Variants in LDB2 observed in about 807,000 individuals in gnomAD.
The protein encoded by LDB2 is LIM domain binding 2, also known as LIM domain-binding protein 2.
In LDB2, 12 loss-of-function variants were observed where a neutral mutation model predicts 44.3. The ratio of observed to expected loss-of-function variants is 0.27; its 90% CI spans 0.17 to 0.44. The LOEUF is 0.44. Among genes scored for constraint, LDB2 ranks in the 20% least tolerant of loss-of-function variants. LDB2 has a pLI of 1.00. For missense variants in LDB2, 344 were observed against 473.5 expected, an observed-to-expected ratio of 0.73 and a Z score of 2.54; for synonymous variants, 164 against 174.8, an observed-to-expected ratio of 0.94 and a Z score of 0.49.
intron 2 of LDB2, among the ~76,000 whole-genome samples, chr4:16,645,859 G>T (rs1352758534): frequency 6.6e-6 from 1 of 152,170 alleles, no homozygotes; most frequent in African/African-American, 2.4e-5. Context: ...AATGATAACA[G>T]CATCTACTTC....
chr4:16,777,633 C>T (rs1297698361), intron 1 of LDB2, among the ~76,000 whole-genome samples: 2 of 152,152 alleles, frequency 1.3e-5, no homozygotes, highest in Non-Finnish European at 2.9e-5. Flanking sequence ...CTAGGTCCCT[C>T]CTGTGATGAG....
chr4:16,742,074 C>CTTTTTTTTTTTTTTTTT (rs33990510), intron 2 of LDB2, among the ~76,000 whole-genome samples: 5 of 128,308 alleles, frequency 3.9e-5, no homozygotes, highest in Non-Finnish European at 6.4e-5. Context: ...CTTTTCTTTT[C>CTTTTTTTTTTTTTTTTT]TTTTTTTTTT....
intron 2 of LDB2, among the ~76,000 whole-genome samples, chr4:16,672,561 CTT>C (rs1014417092): frequency 4.6e-5 from 7 of 152,168 alleles, no homozygotes; most frequent in Non-Finnish European, 8.8e-5. Context: ...GACTACAAGA[CTT>C]TCTTGCTCCT....
intron 1 of LDB2, among the ~76,000 whole-genome samples, chr4:16,778,121 T>C (rs1274582710): frequency 6.6e-6 from 1 of 152,156 alleles, no homozygotes; most frequent in Non-Finnish European, 1.5e-5. Flanking sequence ...TGGGCACACA[T>C]ATTTGATCTG....
chr4:16,808,873 C>T (rs1779264622), intron 1 of LDB2, among the ~76,000 whole-genome samples: 1 of 152,142 alleles, frequency 6.6e-6, no homozygotes, highest in South Asian at 2.1e-4. Context: ...TAGCTCTCCA[C>T]CGAAAATCTG....
chr4:16,750,028 T>C (rs1326815584), intron 2 of LDB2, among the ~76,000 whole-genome samples: 1 of 152,226 alleles, frequency 6.6e-6, no homozygotes, highest in East Asian at 1.9e-4. Context: ...AAAAATTCTA[T>C]GTATTTAAGA....
chr4:16,845,846 G>T (rs1287412543), intron 1 of LDB2, among the ~76,000 whole-genome samples: 3 of 151,962 alleles, frequency 2.0e-5, no homozygotes, highest in Non-Finnish European at 2.9e-5. Context: ...GGTGGCTCCT[G>T]CCTGTAATCC....
At chr4:16,819,100 G>T (rs1038093285) in intron 1 of LDB2, among the ~76,000 whole-genome samples, 1 of 139,756 alleles carries the variant, frequency 7.2e-6, no homozygotes, top group African/African-American at 3.2e-5. Flanking sequence ...GCTTGTGTGT[G>T]TGTGTGTGTG....
At chr4:16,698,763 A>T (rs1046004142) in intron 2 of LDB2, among the ~76,000 whole-genome samples, 3 of 152,186 alleles carry the variant, frequency 2.0e-5, no homozygotes, top group African/African-American at 7.2e-5. Context: ...TTTGTAATTT[A>T]AGTAAATGCA....
chr4:16,695,086 T>C (rs1751787211), intron 2 of LDB2, among the ~76,000 whole-genome samples: 1 of 152,198 alleles, frequency 6.6e-6, no homozygotes, highest in Non-Finnish European at 1.5e-5. Context: ...CATGGACTTG[T>C]AACTTGAGAT....
At chr4:16,537,568 A>G (rs1344087076) in intron 5 of LDB2, among the ~76,000 whole-genome samples, 1 of 152,222 alleles carries the variant, frequency 6.6e-6, no homozygotes, top group Non-Finnish European at 1.5e-5. Context: ...TCTGAAGTCA[A>G]TGCTTGCCTA....
intron 2 of LDB2, among the ~76,000 whole-genome samples, chr4:16,706,387 A>C (rs1197040112): frequency 6.6e-6 from 1 of 152,310 alleles, no homozygotes; most frequent in African/African-American, 2.4e-5. Context: ...AGGACACATC[A>C]AGAAAGTGGC....
At chr4:16,532,731 C>T (rs1423195029) in intron 5 of LDB2, among the ~76,000 whole-genome samples, 6 of 152,084 alleles carry the variant, frequency 3.9e-5, no homozygotes, top group African/African-American at 7.2e-5. Flanking sequence ...CACCTTGCTC[C>T]GAATAATAAC....
chr4:16,676,528 G>A (rs1311663794), intron 2 of LDB2, among the ~76,000 whole-genome samples: 2 of 152,178 alleles, frequency 1.3e-5, no homozygotes. Context: ...CAAGTGCTGT[G>A]GGGAATTACA....
intron 5 of LDB2, among the ~76,000 whole-genome samples, chr4:16,567,706 C>A (rs1052380012): frequency 2.4e-4 from 37 of 152,138 alleles, no homozygotes; most frequent in Admixed American, 5.9e-4. Flanking sequence ...GGAGGCGAAG[C>A]TTGCAGTGAG....
chr4:16,599,037 G>C (rs1721847659), intron 2 of LDB2, among the ~76,000 whole-genome samples: 1 of 152,108 alleles, frequency 6.6e-6, no homozygotes, highest in Non-Finnish European at 1.5e-5. Flanking sequence ...AGCTACAAGA[G>C]ATATCTGACT....
At chr4:16,771,793 C>A (rs1305313763) in intron 1 of LDB2, among the ~76,000 whole-genome samples, 1 of 152,192 alleles carries the variant, frequency 6.6e-6, no homozygotes, top group Non-Finnish European at 1.5e-5. Context: ...GCCTGGACAA[C>A]AATGACTTTT....
chr4:16,691,409 G>A (rs937245849), intron 2 of LDB2, among the ~76,000 whole-genome samples: 6 of 152,240 alleles, frequency 3.9e-5, no homozygotes, highest in Admixed American at 2.6e-4. Flanking sequence ...TTCTTTGCCC[G>A]AAGAGAAATA....
At chr4:16,742,074 C>CTTTT (rs33990510) in intron 2 of LDB2, among the ~76,000 whole-genome samples, 28 of 128,310 alleles carry the variant, frequency 2.2e-4, no homozygotes, top group Non-Finnish European at 2.6e-4. Flanking sequence ...CTTTTCTTTT[C>CTTTT]TTTTTTTTTT....
Sources: allele counts gnomAD v4.1 joint callset (sites outside exome capture counted in the v4.1 genomes callset), GRCh38; gene constraint gnomAD v4.1.1; transcripts MANE v1.5; gene names NCBI Gene and HGNC (gene_info 2026-07-23, HGNC 2026-07-21).